SYNE2: variants seen among roughly 807,000 people sequenced by gnomAD.
SYNE2 encodes the protein nesprin-2.
A neutral mutation model predicts 856.3 loss-of-function variants in SYNE2; 431 were observed. That is an observed-to-expected ratio of 0.50 (90% CI 0.47 to 0.55). The LOEUF is 0.55. Among genes scored for constraint, SYNE2 ranks in the 20% least tolerant of loss-of-function variants. SYNE2 has a pLI of 0.00. For missense variants in SYNE2, 8,129 were observed against 8,023.2 expected, an observed-to-expected ratio of 1.01 and a Z score of -0.50; for synonymous variants, 2,923 against 2,872.3, an observed-to-expected ratio of 1.02 and a Z score of -0.56.
intron 1 of SYNE2, among the ~76,000 whole-genome samples, chr14:63,896,704 T>C (rs537781031): frequency 7.2e-5 from 11 of 152,348 alleles, no homozygotes; most frequent in African/African-American, 2.4e-4. Context: ...CTCCTGACTC[T>C]AAGTCTAGTG....
intron 1 of SYNE2, among the ~76,000 whole-genome samples, chr14:63,854,305 C>A (rs190624817): frequency 6.6e-6 from 1 of 152,160 alleles, no homozygotes; most frequent in East Asian, 1.9e-4. Context: ...ACAATTAAAC[C>A]ATGCCGGGCT....
chr14:64,079,435 A>G (rs1026137908), intron 55 of SYNE2, among the ~76,000 whole-genome samples: 2 of 152,356 alleles, frequency 1.3e-5, no homozygotes, highest in African/African-American at 4.8e-5. Context: ...GGGCTTTTAA[A>G]ATAGGTCAGA....
chr14:63,909,570 G>A (rs190116519), intron 2 of SYNE2, among the ~76,000 whole-genome samples: 3 of 152,078 alleles, frequency 2.0e-5, no homozygotes, highest in East Asian at 1.9e-4. Context: ...TGCCAGGCAC[G>A]GTGGCTCATG....
intron 1 of SYNE2, among the ~76,000 whole-genome samples, chr14:63,882,005 C>T (rs985128099): frequency 6.6e-6 from 1 of 152,132 alleles, no homozygotes; most frequent in Non-Finnish European, 1.5e-5. Flanking sequence ...GGCCTACAAC[C>T]CTGCTGCAGT....
chr14:63,987,334 A>C (rs2096634353), intron 19 of SYNE2, among the ~76,000 whole-genome samples: 1 of 151,890 alleles, frequency 6.6e-6, no homozygotes, highest in Non-Finnish European at 1.5e-5. Context: ...TTCCTTACTC[A>C]ATGCAGGGAG....
intron 64 of SYNE2, 140 bp from the exon 65 acceptor site, chr14:64,107,351 T>C (rs1201962047): frequency 1.3e-6 from 1 of 773,410 alleles, no homozygotes; most frequent in Admixed American, 2.0e-5. Context: ...ATGAACAAAC[T>C]TTTTTCTAAT....
At chr14:64,154,665 G>A (rs1053423757) in intron 85 of SYNE2, among the ~76,000 whole-genome samples, 2 of 151,860 alleles carry the variant, frequency 1.3e-5, no homozygotes, top group Admixed American at 6.6e-5. Flanking sequence ...GTGGTGGTGT[G>A]TGCCTGTAGT....
At chr14:64,156,755 GGCC>G (rs956105280) in intron 85 of SYNE2, among the ~76,000 whole-genome samples, 86 of 152,256 alleles carry the variant, frequency 5.6e-4, no homozygotes, top group Admixed American at 3.1e-3. Flanking sequence ...CACCACACCT[GGCC>G]GCCTTCTTTA....
intron 100 of SYNE2, among the ~76,000 whole-genome samples, chr14:64,203,227 T>A (rs1026071771): frequency 3.3e-4 from 51 of 152,354 alleles, no homozygotes; most frequent in Middle Eastern, 3.4e-3. Flanking sequence ...GAGATTTTTT[T>A]AATTATGTCT....
At chr14:64,199,276 G>A (rs6573547) in intron 99 of SYNE2, among the ~76,000 whole-genome samples, 69,859 of 152,066 alleles carry the variant, frequency 0.46, 18,447 homozygotes, top group African/African-American at 0.74. Context: ...TTATGTGAGA[G>A]GATGGGTAGT....
rs138314935 is a variant in SYNE2, at chr14:64,096,478, A to G, written c.12109-1471A>G. Reference sequence around the variant, plus strand: ...TTTGAGAGCAGCTGCTCCATGTAGGACTGTGCCTCTACTCTGTTTGTGTTA... The same window carrying G: ...TTTGAGAGCAGCTGCTCCATGTAGGGCTGTGCCTCTACTCTGTTTGTGTTA... On this transcript the variant is annotated intron_variant, in intron 61 of 115. Transcript: ENST00000555002. Among the ~76,000 whole-genome samples, 47 of 152,306 alleles carry G rather than the reference A, an allele frequency of 3.1e-4. No individual in the cohort carries two copies. In the East Asian group the frequency reaches 8.9e-3, roughly 29 times the overall value.
At chr14:63,871,416 C>T (rs540083880) in intron 1 of SYNE2, among the ~76,000 whole-genome samples, 7 of 152,066 alleles carry the variant, frequency 4.6e-5, no homozygotes, top group Non-Finnish European at 1.0e-4. Flanking sequence ...CCATGTTGGT[C>T]AGGCTGGTCT....
intron 1 of SYNE2, chr14:63,864,267 ACC>A (rs1894607107): frequency 6.6e-6 from 1 of 152,186 alleles, no homozygotes; most frequent in African/African-American, 2.4e-5. Flanking sequence ...AAAATAAGTT[ACC>A]TTTGTAGTCT....
intron 2 of SYNE2, among the ~76,000 whole-genome samples, chr14:63,914,951 C>A (rs2095517229): frequency 6.6e-6 from 1 of 151,930 alleles, no homozygotes; most frequent in Non-Finnish European, 1.5e-5. Flanking sequence ...CTATTTTTTA[C>A]ATTTTTAGTA....
intron 1 of SYNE2, chr14:63,874,097 T>G (rs1262674712): frequency 6.6e-6 from 1 of 152,312 alleles, no homozygotes; most frequent in East Asian, 1.9e-4. Flanking sequence ...TTTATCCTGC[T>G]GTCCTGGCTG....
chr14:63,866,465 C>T (rs1429515463), intron 1 of SYNE2, among the ~76,000 whole-genome samples: 3 of 152,078 alleles, frequency 2.0e-5, no homozygotes, highest in Non-Finnish European at 4.4e-5. Context: ...GAGTTCAAGA[C>T]CAGCCTCAGC....
chr14:63,854,526 C>G (rs955689156), intron 1 of SYNE2, among the ~76,000 whole-genome samples: 1 of 152,194 alleles, frequency 6.6e-6, no homozygotes, highest in African/African-American at 2.4e-5. Context: ...CCGGCCAGCC[C>G]CCTGGGGCGG....
At chr14:63,878,687 C>T (rs1055823578) in intron 1 of SYNE2, among the ~76,000 whole-genome samples, 2 of 152,074 alleles carry the variant, frequency 1.3e-5, no homozygotes, top group Admixed American at 6.6e-5. Flanking sequence ...GGATTACAGG[C>T]ATCTGCCATC....
At chr14:64,117,410 C>A (rs544662882) in intron 66 of SYNE2, among the ~76,000 whole-genome samples, 1 of 152,254 alleles carries the variant, frequency 6.6e-6, no homozygotes, top group South Asian at 2.1e-4. Flanking sequence ...GGCAATCCTC[C>A]TGCCCCAGTC....
Sources: gnomAD v4.1 joint callset for allele counts (sites outside exome capture counted in the v4.1 genomes callset) on GRCh38, gnomAD v4.1.1 for gene constraint, MANE v1.5 for transcripts, NCBI Gene and HGNC (gene_info 2026-07-23, HGNC 2026-07-21) for gene names.